MASP1: variants seen among roughly 807,000 people sequenced by gnomAD.
MASP1 encodes the protein mannan-binding lectin serine protease 1.
Under a neutral mutation model 77.1 loss-of-function variants are expected in MASP1, and 59 were observed. That is an observed-to-expected ratio of 0.77 (90% confidence interval 0.62 to 0.95). The LOEUF is 0.95. Ranked by LOEUF, MASP1 falls within the 40% of genes least tolerant of loss-of-function variation. The pLI is 0.00. For synonymous variants in MASP1, 362 were observed against 354.5 expected, an observed-to-expected ratio of 1.02 and a Z score of -0.24; for missense variants, 885 against 912.9, an observed-to-expected ratio of 0.97 and a Z score of 0.39.
Position 187,234,219 on chromosome 3 carries a change from C to A in MASP1, c.*1465G>T, listed in dbSNP as rs1164528189. On this transcript the variant is annotated 3_prime_UTR_variant, in exon 11 of 11. Transcript: ENST00000296280. ...ATCATTTACATGTGCCATTCATAGA[C>A]AAAGGAGTGTGTTTGATGAGCCGGT... 1.6e-6 allele frequency: 2 copies of A among 1,287,096 alleles called. No individual in the cohort carries two copies. The highest frequency in any genetic ancestry group is 5.5e-5 in the East Asian group (1 of 18,022). The allele number at this position is 1,287,096 out of a possible 1,614,324, so 79.7% of individuals were successfully genotyped here.
chr3:187,247,167 C>T (rs1482368087), intron 8 of MASP1: 34 of 1,504,338 alleles, frequency 2.3e-5, no homozygotes, highest in South Asian at 1.8e-4. Context: ...CTTTCACACA[C>T]GTAGCAGCTT....
intron 2 of MASP1, among the ~76,000 whole-genome samples, chr3:187,280,134 A>T (rs1160433539): frequency 6.6e-6 from 1 of 152,240 alleles, no homozygotes; most frequent in Non-Finnish European, 1.5e-5. Flanking sequence ...TACTCATAGA[A>T]GGTAGGCTAG....
chr3:187,247,347 G>T (rs1714175670), intron 8 of MASP1: 1 of 1,614,018 alleles, frequency 6.2e-7, no homozygotes, highest in Non-Finnish European at 8.5e-7. Context: ...TCTGTCACTT[G>T]CTCTGACTTG....
At chr3:187,259,627 A>G (rs910044892) in intron 4 of MASP1, among the ~76,000 whole-genome samples, 1 of 152,180 alleles carries the variant, frequency 6.6e-6, no homozygotes, top group Non-Finnish European at 1.5e-5. Flanking sequence ...CATAGTAGAT[A>G]CTCAAGAAGA....
intron 11 of MASP1, chr3:187,226,547 G>A (rs1012448279): frequency 1.4e-5 from 21 of 1,492,932 alleles, no homozygotes; most frequent in East Asian, 4.7e-5. Context: ...ACGTCTCATC[G>A]TCCTGCACTA....
At chr3:187,247,428 A>G (rs1174321541) in intron 8 of MASP1, 1 of 1,611,314 alleles carries the variant, frequency 6.2e-7, no homozygotes, top group Non-Finnish European at 8.5e-7. Flanking sequence ...AGAGATACAG[A>G]GGAAGGAAGC....
intron 15 of MASP1, chr3:187,220,391 C>A: frequency 1.3e-6 from 1 of 740,932 alleles, no homozygotes; most frequent in Admixed American, 2.4e-5. Flanking sequence ...ACCCAAACCT[C>A]AGCTCTGGGC....
At position 187,247,294 on chromosome 3, in the gene MASP1, T is replaced by C. The variant is rs369221551; in HGVS notation, c.1090+2957A>G. The C allele has an allele frequency of 1.9e-6, 3 of 1,613,990 alleles. No individual in the cohort carries two copies. The Admixed American group carries it at 5.0e-5, about 27-fold the overall frequency. ...TGGGCCCCAGGGGTCTTGGGAGTGA[T>C]CCATTTCTGGATGTCTGCATTGTGT... On this transcript the variant is annotated intron_variant, in intron 8 of 10. Coordinates refer to ENST00000296280, the MANE Select transcript of MASP1 (RefSeq NM_139125.4).
chr3:187,279,519 T>C (rs1294124270), intron 2 of MASP1, among the ~76,000 whole-genome samples: 2 of 152,220 alleles, frequency 1.3e-5, no homozygotes, highest in Non-Finnish European at 2.9e-5. Flanking sequence ...ACAAAATCCA[T>C]CTGTGAAATT....
At chr3:187,270,409 G>C (rs757485450) in intron 2 of MASP1, among the ~76,000 whole-genome samples, 1 of 152,144 alleles carries the variant, frequency 6.6e-6, no homozygotes, top group Non-Finnish European at 1.5e-5. Flanking sequence ...GGTGCTGTCT[G>C]ATCATCTTGG....
chr3:187,260,941 A>T, intron 3 of MASP1, 69 bp from the exon 4 acceptor site: 2 of 1,576,010 alleles, frequency 1.3e-6, no homozygotes, highest in Non-Finnish European at 1.7e-6. Context: ...ACATTTATAG[A>T]GCACTTGATA....
At chr3:187,224,561 T>C (rs1712286851) in intron 13 of MASP1, among the ~76,000 whole-genome samples, 1 of 151,902 alleles carries the variant, frequency 6.6e-6, no homozygotes, top group South Asian at 2.1e-4. Flanking sequence ...TTAGCCGGGA[T>C]GGTCTCGATC....
intron 2 of MASP1, among the ~76,000 whole-genome samples, chr3:187,277,616 C>G (rs2108595156): frequency 6.6e-6 from 1 of 152,276 alleles, no homozygotes; most frequent in African/African-American, 2.4e-5. Context: ...AAAGCCTGTT[C>G]TGAGGAAGGC....
chr3:187,234,453 G>A lies in MASP1; in HGVS notation c.*1231C>T. ...ACCTTATGCCAGCCTGTTGCTGACGGAGAACCAGAGACTCAGACAAAGAAA... is the reference window on the plus strand; with the variant it reads ...ACCTTATGCCAGCCTGTTGCTGACGAAGAACCAGAGACTCAGACAAAGAAA... On this transcript the variant is annotated 3_prime_UTR_variant, in exon 11 of 11. Transcript: ENST00000296280. The A allele has an allele frequency of 7.8e-7, 1 of 1,285,422 alleles. No individual in the cohort carries two copies. The highest frequency in any genetic ancestry group is 1.0e-6 in the Non-Finnish European group (1 of 987,022). 79.6% of individuals were successfully genotyped at this position (1,285,422 alleles called of 1,614,324 possible). A position where few individuals can be genotyped will look rare whatever the true frequency, so the allele number is the denominator to read the frequency against.
At chr3:187,271,811 T>C (rs1039425864) in intron 2 of MASP1, among the ~76,000 whole-genome samples, 1 of 152,214 alleles carries the variant, frequency 6.6e-6, no homozygotes, top group Admixed American at 6.5e-5. Context: ...GTCATTCATC[T>C]GCTATCACCC....
chr3:187,228,223 G>T (rs1305865447), intron 11 of MASP1, among the ~76,000 whole-genome samples: 1 of 149,914 alleles, frequency 6.7e-6, no homozygotes, highest in Non-Finnish European at 1.5e-5. Flanking sequence ...AGAGGCGGAG[G>T]TTGCAGTGAG....
chr3:187,224,421 A>C (rs1416437062), intron 13 of MASP1, among the ~76,000 whole-genome samples: 3 of 137,226 alleles, frequency 2.2e-5, no homozygotes, highest in South Asian at 2.3e-4. Flanking sequence ...ATCTCGGCTC[A>C]CTGCAAGCTC....
intron 5 of MASP1, among the ~76,000 whole-genome samples, 178 bp from the exon 6 acceptor site, chr3:187,253,493 A>G (rs932521149): frequency 6.6e-6 from 1 of 152,100 alleles, no homozygotes; most frequent in South Asian, 2.1e-4. Flanking sequence ...TTTCATCTTC[A>G]TTCTCTCTTT....
chr3:187,265,462 T>C (rs904227708), intron 2 of MASP1, among the ~76,000 whole-genome samples: 3 of 152,182 alleles, frequency 2.0e-5, no homozygotes, highest in South Asian at 2.1e-4. Context: ...AGAGCCACAG[T>C]ATTCCAGAGA....
Sources: gnomAD v4.1 joint callset for allele counts (sites outside exome capture counted in the v4.1 genomes callset) on GRCh38, gnomAD v4.1.1 for gene constraint, MANE v1.5 for transcripts, NCBI Gene and HGNC (gene_info 2026-07-23, HGNC 2026-07-21) for gene names.